Variants in FILIP1L observed in about 807,000 individuals in gnomAD.
The protein encoded by FILIP1L is filamin A interacting protein 1 like.
FILIP1L carries 55 observed loss-of-function variants against 96.6 expected under a neutral mutation model. The observed-to-expected ratio is 0.57, with a 90% CI of 0.46 to 0.71. The LOEUF (loss-of-function observed/expected upper bound fraction) is 0.71, where lower values mean the gene tolerates loss of function less well. FILIP1L is among the 30% of genes least tolerant of loss of function. The pLI is 0.00. For missense variants in FILIP1L, 1,304 were observed against 1,321.2 expected, an observed-to-expected ratio of 0.99 and a Z score of 0.20; for synonymous variants, 467 against 473.9, an observed-to-expected ratio of 0.99 and a Z score of 0.19.
At chr3:100,080,827 T>C (rs1270729695) in intron 1 of FILIP1L, among the ~76,000 whole-genome samples, 1 of 152,228 alleles carries the variant, frequency 6.6e-6, no homozygotes, top group Non-Finnish European at 1.5e-5. Context: ...GACTGCCTTT[T>C]CTTGCATAGT....
At chr3:100,021,958 TGTGA>T (rs1256486820) in intron 1 of FILIP1L, among the ~76,000 whole-genome samples, 20 of 94,918 alleles carry the variant, frequency 2.1e-4, no homozygotes, top group African/African-American at 4.1e-4. Flanking sequence ...TGTGTGTGTG[TGTGA>T]GAGAGAGAGA....
chr3:100,060,086 C>T (rs1466083841), intron 1 of FILIP1L, among the ~76,000 whole-genome samples: 2 of 152,048 alleles, frequency 1.3e-5, no homozygotes, highest in Non-Finnish European at 2.9e-5. Context: ...TACATGTGCC[C>T]TCAGCTGTGC....
chr3:100,015,398 G>T (rs1254001668), intron 1 of FILIP1L, among the ~76,000 whole-genome samples: 1 of 152,046 alleles, frequency 6.6e-6, no homozygotes, highest in Non-Finnish European at 1.5e-5. Context: ...TTTTAGGATT[G>T]CTTTTTCTAT....
chr3:99,964,016 C>T (rs1287466122), intron 1 of FILIP1L, among the ~76,000 whole-genome samples: 2 of 152,066 alleles, frequency 1.3e-5, no homozygotes, highest in Non-Finnish European at 2.9e-5. Context: ...GCTGATTTCA[C>T]ATGACTTTAT....
intron 1 of FILIP1L, among the ~76,000 whole-genome samples, chr3:99,996,608 T>A (rs1709690750): frequency 6.6e-6 from 1 of 151,514 alleles, no homozygotes; most frequent in African/African-American, 2.4e-5. Flanking sequence ...GAAAAAGAGG[T>A]TTAATTGGAC....
chr3:99,966,959 A>G (rs891713694), intron 1 of FILIP1L, among the ~76,000 whole-genome samples: 2 of 152,150 alleles, frequency 1.3e-5, no homozygotes, highest in African/African-American at 4.8e-5. Flanking sequence ...ACTGCCCCAC[A>G]TGCTATACAG....
intron 1 of FILIP1L, among the ~76,000 whole-genome samples, chr3:100,066,517 CTTTTTTTTTT>C (rs545356638): frequency 7.8e-5 from 3 of 38,304 alleles, no homozygotes; most frequent in East Asian, 8.1e-4. Context: ...GGCTTTGCTT[CTTTTTTTTTT>C]TTTTTTTTTT....
intron 1 of FILIP1L, among the ~76,000 whole-genome samples, chr3:100,088,772 C>T (rs2066055055): frequency 6.6e-6 from 1 of 152,062 alleles, no homozygotes; most frequent in Non-Finnish European, 1.5e-5. Context: ...TTTTGTCTCT[C>T]TTCTCTATCT....
At chr3:100,044,391 G>A (rs1410690037) in intron 1 of FILIP1L, among the ~76,000 whole-genome samples, 1 of 152,170 alleles carries the variant, frequency 6.6e-6, no homozygotes, top group Non-Finnish European at 1.5e-5. Context: ...GTCAAGGGGG[G>A]CAGTGAAAAC....
chr3:99,921,705 A>G (rs1335991233), intron 4 of FILIP1L, among the ~76,000 whole-genome samples: 1 of 152,226 alleles, frequency 6.6e-6, no homozygotes, highest in Non-Finnish European at 1.5e-5. Context: ...AGAATCCTAT[A>G]AAGGAAACTT....
At chr3:99,948,669 AAAGAGG>A (rs1434751511) in intron 1 of FILIP1L, among the ~76,000 whole-genome samples, 1 of 149,746 alleles carries the variant, frequency 6.7e-6, no homozygotes, top group Non-Finnish European at 1.5e-5. Flanking sequence ...AAGGGAAGGG[AAAGAGG>A]AAGAAGAAGA....
At chr3:100,094,915 C>T (rs1040651992) in intron 1 of FILIP1L, among the ~76,000 whole-genome samples, 1 of 151,860 alleles carries the variant, frequency 6.6e-6, no homozygotes, top group South Asian at 2.1e-4. Context: ...GTCTTGATCT[C>T]CTGACCTCGT....
At chr3:100,082,534 T>C (rs2065948421) in intron 1 of FILIP1L, among the ~76,000 whole-genome samples, 1 of 152,160 alleles carries the variant, frequency 6.6e-6, no homozygotes, top group South Asian at 2.1e-4. Flanking sequence ...CAGCCCATAA[T>C]ATCTGAGTGA....
chr3:100,037,963 G>GA (rs2065138080), intron 1 of FILIP1L, among the ~76,000 whole-genome samples: 1 of 127,098 alleles, frequency 7.9e-6, no homozygotes. Context: ...TTTTGGGGGG[G>GA]GAGGGAACAG....
At chr3:100,072,682 G>C (rs2065783151) in intron 1 of FILIP1L, among the ~76,000 whole-genome samples, 1 of 152,176 alleles carries the variant, frequency 6.6e-6, no homozygotes, top group African/African-American at 2.4e-5. Context: ...GGGATTGCTT[G>C]AACACAGCTG....
chr3:100,111,771 TA>T (rs2066495181), intron 1 of FILIP1L, among the ~76,000 whole-genome samples: 2 of 152,212 alleles, frequency 1.3e-5, no homozygotes, highest in Non-Finnish European at 2.9e-5. Context: ...AGTTTTTGTC[TA>T]ACATCTATAG....
At chr3:100,023,932 A>G (rs1312437506) in intron 1 of FILIP1L, among the ~76,000 whole-genome samples, 3 of 152,194 alleles carry the variant, frequency 2.0e-5, no homozygotes, top group South Asian at 2.1e-4. Context: ...GAAAAATGCT[A>G]GCAGTTAAAG....
At chr3:100,012,597 A>T (rs1440165112) in intron 1 of FILIP1L, among the ~76,000 whole-genome samples, 4 of 152,024 alleles carry the variant, frequency 2.6e-5, no homozygotes, top group Non-Finnish European at 5.9e-5. Flanking sequence ...AGGATTTCAG[A>T]TTCCCCCACC....
chr3:100,054,598 G>C (rs1199234382), intron 1 of FILIP1L, among the ~76,000 whole-genome samples: 1 of 152,022 alleles, frequency 6.6e-6, no homozygotes, highest in Non-Finnish European at 1.5e-5. Flanking sequence ...TCCACTCCTG[G>C]CCCAGGACTT....
Sources: gnomAD v4.1 joint callset for allele counts (sites outside exome capture counted in the v4.1 genomes callset) on GRCh38, gnomAD v4.1.1 for gene constraint, MANE v1.5 for transcripts, NCBI Gene and HGNC (gene_info 2026-07-23, HGNC 2026-07-21) for gene names.